The following CADM2 variants were observed in gnomAD, a reference collection of about 807,000 sequenced individuals.
The protein encoded by CADM2 is immunoglobulin superfamily member 4D.
A neutral mutation model predicts 49.8 loss-of-function variants in CADM2; 12 were observed. That is an observed-to-expected ratio of 0.24 (90% CI 0.15 to 0.39). The LOEUF is 0.39. Ranked by LOEUF, CADM2 falls within the 10% of genes least tolerant of loss-of-function variation. The pLI, the probability that CADM2 is intolerant of heterozygous loss-of-function variation, is 1.00. For synonymous variants in CADM2, 214 were observed against 175.4 expected (o/e 1.22, Z -1.74); for missense variants, 378 against 492.3 (o/e 0.77, Z 2.20).
intron 7 of CADM2, among the ~76,000 whole-genome samples, chr3:85,945,834 C>T (rs1399585860): frequency 6.6e-6 from 1 of 152,046 alleles, no homozygotes; most frequent in African/African-American, 2.4e-5. Flanking sequence ...ACTGAATGGG[C>T]AAAAACTGGA....
At chr3:85,387,667 C>T (rs1306893124) in intron 1 of CADM2, among the ~76,000 whole-genome samples, 1 of 152,004 alleles carries the variant, frequency 6.6e-6, no homozygotes. Flanking sequence ...TTTCAGATTT[C>T]AGATTTTAAT....
intron 6 of CADM2, among the ~76,000 whole-genome samples, chr3:85,914,477 T>A (rs1281072635): frequency 1.3e-5 from 2 of 152,188 alleles, no homozygotes; most frequent in African/African-American, 2.4e-5. Flanking sequence ...TGTAACAATA[T>A]TTTTAAAGGA....
chr3:85,134,272 C>A (rs1291965747), intron 1 of CADM2, among the ~76,000 whole-genome samples: 2 of 152,192 alleles, frequency 1.3e-5, no homozygotes, highest in Non-Finnish European at 2.9e-5. Flanking sequence ...GCTGAGGGAG[C>A]CGGCTCTGGC....
chr3:85,303,774 A>G (rs1467824000), intron 1 of CADM2, among the ~76,000 whole-genome samples: 1 of 151,958 alleles, frequency 6.6e-6, no homozygotes, highest in African/African-American at 2.4e-5. Flanking sequence ...TAATTATTGT[A>G]TGTTGTTTGC....
chr3:85,839,513 C>A (rs937574451), intron 3 of CADM2, among the ~76,000 whole-genome samples: 1 of 151,608 alleles, frequency 6.6e-6, no homozygotes, highest in African/African-American at 2.4e-5. Context: ...AGGACTATTT[C>A]TTTGTACTAG....
At chr3:85,223,835 G>T (rs1010943037) in intron 1 of CADM2, among the ~76,000 whole-genome samples, 2 of 152,070 alleles carry the variant, frequency 1.3e-5, no homozygotes, top group African/African-American at 2.4e-5. Flanking sequence ...TCCCAATTAT[G>T]AGTGAGAACA....
At chr3:85,526,481 C>A (rs532675843) in intron 1 of CADM2, among the ~76,000 whole-genome samples, 4 of 152,062 alleles carry the variant, frequency 2.6e-5, no homozygotes, top group African/African-American at 9.7e-5. Context: ...AAAACAAAAG[C>A]GTAATGCTAT....
Position 86,067,706 on chromosome 3 carries a change from A to G in CADM2, c.*923A>G, listed in dbSNP as rs549613141. On this transcript the variant is annotated 3_prime_UTR_variant, in exon 10 of 10. Coordinates refer to ENST00000383699, the MANE Select transcript of CADM2 (RefSeq NM_001167675.2). ...ATTAAACATTATTTGATACATATTT[A>G]ACTTTTTTGGCTGTATGTAATTCAG... The G allele has an allele frequency of 2.6e-5, 4 of 152,626 alleles. No homozygotes were observed. Among genetic ancestry groups the G allele is most frequent in the Admixed American group, 6.5e-5 (1 of 15,284 alleles). 9.5% of individuals were successfully genotyped at this position (152,626 alleles called of 1,614,324 possible).
At chr3:85,220,577 A>G (rs1311890468) in intron 1 of CADM2, among the ~76,000 whole-genome samples, 1 of 152,186 alleles carries the variant, frequency 6.6e-6, no homozygotes, top group Admixed American at 6.5e-5. Context: ...GTCATTGGCC[A>G]CATTGACCAT....
intron 6 of CADM2, among the ~76,000 whole-genome samples, chr3:85,916,219 G>A (rs543533254): frequency 7.0e-4 from 106 of 152,114 alleles, no homozygotes; most frequent in Non-Finnish European, 1.2e-3. Context: ...TGTGCACAAC[G>A]TGCAGGTTAG....
At chr3:85,152,806 A>C (rs1343694000) in intron 1 of CADM2, among the ~76,000 whole-genome samples, 1 of 151,934 alleles carries the variant, frequency 6.6e-6, no homozygotes, top group Non-Finnish European at 1.5e-5. Context: ...AAATACAAAA[A>C]GAAAAAATAT....
chr3:85,998,949 C>T (rs890585860), intron 8 of CADM2, among the ~76,000 whole-genome samples: 1 of 151,994 alleles, frequency 6.6e-6, no homozygotes, highest in African/African-American at 2.4e-5. Context: ...AGAACTGATG[C>T]TAGGATTTTA....
intron 1 of CADM2, among the ~76,000 whole-genome samples, chr3:85,718,688 T>A (rs920580619): frequency 1.4e-4 from 22 of 151,932 alleles, no homozygotes; most frequent in East Asian, 3.9e-4. Context: ...GTGAAAAAAA[T>A]TTAATATAAA....
intron 3 of CADM2, among the ~76,000 whole-genome samples, chr3:85,865,065 G>T (rs943181715): frequency 2.0e-5 from 3 of 152,174 alleles, no homozygotes; most frequent in Non-Finnish European, 2.9e-5. Context: ...AGGCAGTTTG[G>T]TCAGTTCTTG....
At chr3:85,199,402 G>A (rs2041433643) in intron 1 of CADM2, among the ~76,000 whole-genome samples, 1 of 118,090 alleles carries the variant, frequency 8.5e-6, no homozygotes. Flanking sequence ...GCCCAAATAG[G>A]CAGAGAAAAA....
At chr3:85,969,375 A>G (rs1725833748) in intron 8 of CADM2, among the ~76,000 whole-genome samples, 1 of 151,264 alleles carries the variant, frequency 6.6e-6, no homozygotes, top group Admixed American at 6.6e-5. Context: ...CTTTATAGAA[A>G]TTTTGCCTCT....
chr3:85,101,629 A>G (rs1320370795), intron 1 of CADM2, among the ~76,000 whole-genome samples: 1 of 152,240 alleles, frequency 6.6e-6, no homozygotes, highest in South Asian at 2.1e-4. Context: ...CTTTCAAAAT[A>G]TTCTTTAAAA....
intron 8 of CADM2, chr3:86,015,142 C>A: frequency 2.0e-6 from 1 of 502,626 alleles, no homozygotes. Flanking sequence ...AAAAATAGGC[C>A]TTCTTATATT....
In CADM2 at chr3:86,063,895, C is replaced by A. The variant is rs59692379; in HGVS notation, c.971-1710C>A. Among the ~76,000 whole-genome samples the A allele has an allele frequency of 1.4e-3, 207 of 152,246 alleles. 6 individuals carry two copies. In the East Asian group the frequency reaches 0.036, roughly 26 times the overall value. On this transcript the variant is annotated intron_variant, in intron 8 of 9. Transcript: ENST00000383699. ...AACCTGGGAGAGCAGGAAGTACACT[C>A]AATCTGATCTTTGTCATAGGGCTGA...
Sources: allele counts gnomAD v4.1 joint callset (sites outside exome capture counted in the v4.1 genomes callset), GRCh38; gene constraint gnomAD v4.1.1; transcripts MANE v1.5; gene names NCBI Gene and HGNC (gene_info 2026-07-23, HGNC 2026-07-21).